NRP1: variants seen among roughly 807,000 people sequenced by gnomAD.
The protein encoded by NRP1 is neuropilin 1.
NRP1 carries 35 observed loss-of-function variants against 106.7 expected under a neutral mutation model. That is an observed-to-expected ratio of 0.33 (90% CI 0.25 to 0.43). The LOEUF (loss-of-function observed/expected upper bound fraction) is 0.43, where lower values mean the gene tolerates loss of function less well. NRP1 is among the 20% of genes least tolerant of loss of function. The pLI is 1.00. For missense variants in NRP1, 1,024 were observed against 1,170.4 expected (o/e 0.87, Z 1.83); for synonymous variants, 437 against 417.9 (o/e 1.05, Z -0.56).
intron 2 of NRP1, among the ~76,000 whole-genome samples, chr10:33,314,435 G>C (rs112547509): frequency 0.023 from 3,553 of 152,306 alleles, 54 homozygotes; most frequent in Non-Finnish European, 0.036. Context: ...GAGAAGGAGG[G>C]AGTGCTTTCT....
At position 33,179,301 on chromosome 10, in the gene NRP1, C is replaced by G. The variant is rs1835534768; in HGVS notation, c.*775G>C. Reference sequence around the variant, plus strand: ...AGCAGAGTGGGTCGTTAATGTAACACAATGAACCAGTACAAACAAAAAGGC... The same window carrying G: ...AGCAGAGTGGGTCGTTAATGTAACAGAATGAACCAGTACAAACAAAAAGGC... On this transcript the variant is annotated 3_prime_UTR_variant, in exon 17 of 17. Transcript: ENST00000374867. The G allele has an allele frequency of 6.6e-6, 1 of 152,632 alleles. No individual in the cohort carries two copies. Among genetic ancestry groups the G allele is most frequent in the African/African-American group, 2.4e-5 (1 of 41,440 alleles). 9.5% of individuals were successfully genotyped at this position (152,632 alleles called of 1,614,324 possible). A position where few individuals can be genotyped will look rare whatever the true frequency, so the allele number is the denominator to read the frequency against.
chr10:33,213,160 G>T, intron 9 of NRP1: 2 of 1,251,080 alleles, frequency 1.6e-6, no homozygotes, highest in Non-Finnish European at 2.2e-6. Flanking sequence ...CCTACAGCCA[G>T]GGAATGGGAC....
intron 8 of NRP1, chr10:33,213,926 T>A (rs948525848): frequency 1.8e-6 from 1 of 551,572 alleles, no homozygotes; most frequent in African/African-American, 1.9e-5. Flanking sequence ...CACATCCCAG[T>A]AAGGCAAATC....
chr10:33,273,049 T>A (rs1843423191), intron 2 of NRP1, among the ~76,000 whole-genome samples: 4 of 122,416 alleles, frequency 3.3e-5, no homozygotes, highest in South Asian at 5.2e-4. Context: ...GCGCTCCTCT[T>A]GGCAAAAGTA....
chr10:33,313,809 A>T (rs749251353), intron 2 of NRP1, among the ~76,000 whole-genome samples: 5 of 152,206 alleles, frequency 3.3e-5, no homozygotes, highest in Non-Finnish European at 5.9e-5. Flanking sequence ...TCCACACAGG[A>T]CGGGCACCAA....
At chr10:33,212,752 C>A (rs1448427475) in intron 9 of NRP1, 1 of 155,428 alleles carries the variant, frequency 6.4e-6, no homozygotes, top group Non-Finnish European at 1.4e-5. Flanking sequence ...CTCACTGCAA[C>A]CTCTGCCTCC....
rs1842712557 is a variant in NRP1, at chr10:33,263,505, G to C, written c.658+141C>G. ...AGCTCAAATATTTCATCACTGCTCT[G>C]AATATAGAGAGTTTTGCTTTGTTTT... On this transcript the variant is annotated intron_variant, in intron 4 of 16. Transcript: ENST00000374867. The C allele has an allele frequency of 4.9e-6, 3 of 617,200 alleles. No individual in the cohort carries two copies. In the African/African-American group the frequency reaches 5.5e-5, roughly 11 times the overall value. 38.2% of individuals were successfully genotyped at this position (617,200 alleles called of 1,614,324 possible).
In NRP1 at chr10:33,226,320, AC is replaced by A. The variant is rs775973289; in HGVS notation, c.982-32del. ...AGACAAGTACAAGCGTGGTCAGTGC[AC>A]CATCCCTGCAGCACAGTAACCCAAA... is the stretch of plus-strand genomic sequence containing the variant. On this transcript the variant is annotated intron_variant, in intron 6 of 16. Transcript: ENST00000374867. 6 of 1,612,406 alleles carry A rather than the reference AC, an allele frequency of 3.7e-6. No homozygotes were observed. In the South Asian group the frequency reaches 6.6e-5, roughly 18 times the overall value.
At chr10:33,193,885 TG>T (rs1836588990) in intron 12 of NRP1, among the ~76,000 whole-genome samples, 1 of 152,218 alleles carries the variant, frequency 6.6e-6, no homozygotes, top group South Asian at 2.1e-4. Context: ...CCATAAAAAC[TG>T]TCCAAATGGA....
intron 12 of NRP1, chr10:33,195,452 A>G: frequency 1.9e-6 from 1 of 531,110 alleles, no homozygotes. Flanking sequence ...TATTATATTG[A>G]TGAGAATCAG....
At chr10:33,284,898 A>G (rs921482524) in intron 2 of NRP1, among the ~76,000 whole-genome samples, 11 of 152,332 alleles carry the variant, frequency 7.2e-5, no homozygotes, top group Admixed American at 3.9e-4. Context: ...GCTATGTGCT[A>G]TTTTGAAAAG....
intron 15 of NRP1, among the ~76,000 whole-genome samples, chr10:33,183,773 C>T (rs1835835566): frequency 1.3e-5 from 2 of 152,222 alleles, no homozygotes; most frequent in Non-Finnish European, 2.9e-5. Context: ...ATAGCATCCA[C>T]ACCCAGATGT....
chr10:33,207,526 G>A (rs200093121), intron 10 of NRP1, 46 bp downstream of exon 10: 1 of 1,608,808 alleles, frequency 6.2e-7, no homozygotes, highest in Non-Finnish European at 8.5e-7. Context: ...GCATGGAAGA[G>A]GAAATTTAAA....
At chr10:33,214,087 T>C (rs768349842) in intron 8 of NRP1, among the ~76,000 whole-genome samples, 3 of 152,176 alleles carry the variant, frequency 2.0e-5, no homozygotes, top group Non-Finnish European at 2.9e-5. Flanking sequence ...GAGATATGCA[T>C]AGAAGTCAAT....
At chr10:33,228,155 C>A (rs1839818182) in intron 6 of NRP1, among the ~76,000 whole-genome samples, 1 of 151,908 alleles carries the variant, frequency 6.6e-6, no homozygotes, top group Admixed American at 6.6e-5. Flanking sequence ...AAAAAGTCCA[C>A]AAATATATGG....
At chr10:33,225,820 C>G (rs1839616397) in intron 7 of NRP1, among the ~76,000 whole-genome samples, 1 of 152,174 alleles carries the variant, frequency 6.6e-6, no homozygotes, top group Non-Finnish European at 1.5e-5. Context: ...CCCCAAATTC[C>G]TAAGGTTCTA....
chr10:33,197,730 C>T, intron 11 of NRP1, 21 bp from the exon 12 acceptor site: 2 of 1,523,140 alleles, frequency 1.3e-6, no homozygotes, highest in Non-Finnish European at 1.8e-6. Flanking sequence ...AAAACAGGAA[C>T]ATGCAAAAAT....
At chr10:33,307,314 A>G (rs1846233707) in intron 2 of NRP1, among the ~76,000 whole-genome samples, 1 of 152,212 alleles carries the variant, frequency 6.6e-6, no homozygotes. Flanking sequence ...TTTTATTGGA[A>G]CACAACCATG....
At chr10:33,284,168 ATGT>A (rs1844344747) in intron 2 of NRP1, among the ~76,000 whole-genome samples, 1 of 152,244 alleles carries the variant, frequency 6.6e-6, no homozygotes, top group South Asian at 2.1e-4. Flanking sequence ...GGGAGAGAGA[ATGT>A]TGTTCTTTAC....
Sources: allele counts gnomAD v4.1 joint callset (sites outside exome capture counted in the v4.1 genomes callset), GRCh38; gene constraint gnomAD v4.1.1; transcripts MANE v1.5; gene names NCBI Gene and HGNC (gene_info 2026-07-23, HGNC 2026-07-21).